Variants in WAPL observed in about 807,000 individuals in gnomAD.
The protein encoded by WAPL is WAPL cohesin release factor, also known as wings apart-like protein homolog.
Under a neutral mutation model 121.0 loss-of-function variants are expected in WAPL, and 5 were observed. The ratio of observed to expected loss-of-function variants is 0.04; its 90% confidence interval spans 0.02 to 0.09. The LOEUF (loss-of-function observed/expected upper bound fraction) is 0.09, where lower values mean the gene tolerates loss of function less well. WAPL is among the 10% of genes least tolerant of loss of function. The probability of loss-of-function intolerance (pLI) is 1.00; values close to 1 mark genes in which losing one functional copy is unlikely to be tolerated. For synonymous variants in WAPL, 480 were observed against 481.5 expected, an observed-to-expected ratio of 1.00 and a Z score of 0.04; for missense variants, 999 against 1,410.8, an observed-to-expected ratio of 0.71 and a Z score of 4.68.
rs1376423058 is a variant in WAPL at position 86,473,986 on chromosome 10, G to A, written c.1645-13C>T. The A allele has an allele frequency of 6.2e-7, 1 of 1,602,268 alleles. No homozygotes were observed. The highest frequency in any genetic ancestry group is 1.7e-5 in the Admixed American group (1 of 59,776). ...CTTTTGTGGGTGACTAGAGAAATGA[G>A]AGAAAGATCAACTGCTTCCATCCTT... On this transcript the variant is annotated splice_polypyrimidine_tract_variant and intron_variant, in intron 4 of 18. Transcript: ENST00000298767.
chr10:86,459,877 G>C (rs1005675938), intron 11 of WAPL, among the ~76,000 whole-genome samples: 10 of 152,234 alleles, frequency 6.6e-5, no homozygotes, highest in Admixed American at 6.5e-4. Flanking sequence ...ACTTTGGGAG[G>C]CTGAAGCCGG....
intron 4 of WAPL, among the ~76,000 whole-genome samples, chr10:86,484,481 G>A (rs1841882331): frequency 6.6e-6 from 1 of 152,068 alleles, no homozygotes; most frequent in Admixed American, 6.6e-5. Flanking sequence ...GGTGACAGAG[G>A]GAGATTGTCT....
chr10:86,507,064 A>T (rs1003308074), intron 2 of WAPL, among the ~76,000 whole-genome samples: 20 of 127,542 alleles, frequency 1.6e-4, no homozygotes, highest in South Asian at 4.7e-4. Context: ...GGAAAGATTT[A>T]AAAAAAAAAA....
At chr10:86,469,491 C>T (rs1337210802) in intron 8 of WAPL, among the ~76,000 whole-genome samples, 3 of 151,822 alleles carry the variant, frequency 2.0e-5, no homozygotes, top group African/African-American at 4.8e-5. Context: ...TAAACTCAGG[C>T]AATCTGCCCA....
intron 4 of WAPL, among the ~76,000 whole-genome samples, chr10:86,487,105 G>A (rs1037997657): frequency 2.0e-5 from 3 of 152,036 alleles, no homozygotes; most frequent in African/African-American, 7.2e-5. Context: ...AACCCCGCAA[G>A]CACTGAAAAC....
chr10:86,462,863 T>C lies in WAPL; in HGVS notation c.2371-1576A>G, dbSNP rs559013707. 2.6e-4 allele frequency among the ~76,000 whole-genome samples: 39 copies of C among 152,306 alleles called. No homozygotes were observed. In the South Asian group the frequency reaches 8.1e-3, roughly 32 times the overall value. ...ATTTAGACTGGTTCGTGTGTGTTAA[T>C]TCATGAGTCATACAGGCAAAGCTGA... On this transcript the variant is annotated intron_variant, in intron 9 of 18. Transcript: ENST00000298767.
chr10:86,452,300 AAAAG>A (rs958756949), intron 14 of WAPL, among the ~76,000 whole-genome samples, 169 bp from the exon 15 acceptor site: 3 of 152,138 alleles, frequency 2.0e-5, no homozygotes, highest in Admixed American at 6.5e-5. Flanking sequence ...AGAAAAAAAA[AAAAG>A]AAAAAAGGCC....
At chr10:86,489,040 C>G (rs1039661094) in intron 4 of WAPL, among the ~76,000 whole-genome samples, 1 of 152,198 alleles carries the variant, frequency 6.6e-6, no homozygotes, top group Non-Finnish European at 1.5e-5. Context: ...AATGGCATCT[C>G]CTCTGTATTG....
intron 15 of WAPL, among the ~76,000 whole-genome samples, chr10:86,450,407 TTTA>T (rs1207539509): frequency 6.6e-6 from 1 of 152,120 alleles, no homozygotes; most frequent in Non-Finnish European, 1.5e-5. Flanking sequence ...AACCAACTGT[TTTA>T]TTTTTTGTAC....
intron 2 of WAPL, among the ~76,000 whole-genome samples, chr10:86,501,069 T>C (rs7900240): frequency 0.087 from 13,183 of 152,242 alleles, 1,007 homozygotes; most frequent in East Asian, 0.38. Flanking sequence ...AGGGGTATTA[T>C]GGGCTTTTCA....
In WAPL at chr10:86,482,430, G is replaced by C. The variant is rs984246321; in HGVS notation, c.1645-8457C>G. 1.2e-4 allele frequency among the ~76,000 whole-genome samples: 18 copies of C among 152,330 alleles called. No homozygotes were observed. The East Asian group carries it at 3.5e-3, about 29-fold the overall frequency. ...GTATGTATGTAATATATGTATACGT[G>C]CATGTTTCCTATGCCCGTTTGCTAA... On this transcript the variant is annotated intron_variant, in intron 4 of 18. Coordinates refer to ENST00000298767, the MANE Select transcript of WAPL (RefSeq NM_015045.5).
At chr10:86,459,861 C>T (rs1424189422) in intron 11 of WAPL, among the ~76,000 whole-genome samples, 1 of 152,220 alleles carries the variant, frequency 6.6e-6, no homozygotes. Context: ...CGCCTGTAAT[C>T]CCAATACTTT....
At chr10:86,441,710 G>A (rs1849476180) in intron 17 of WAPL, among the ~76,000 whole-genome samples, 1 of 152,080 alleles carries the variant, frequency 6.6e-6, no homozygotes, top group East Asian at 1.9e-4. Context: ...GCAGTTTAAA[G>A]AGAGAAATGG....
At chr10:86,498,762 GAGCTAACCTA>G (rs1445235018) in intron 3 of WAPL, among the ~76,000 whole-genome samples, 1 of 152,148 alleles carries the variant, frequency 6.6e-6, no homozygotes, top group Non-Finnish European at 1.5e-5. Flanking sequence ...AATTATGGCA[GAGCTAACCTA>G]TTTCTTTTGT....
chr10:86,509,754 G>A (rs569573851), intron 2 of WAPL, among the ~76,000 whole-genome samples: 32 of 134,724 alleles, frequency 2.4e-4, no homozygotes, highest in African/African-American at 8.6e-4. Context: ...CATCTGGCTC[G>A]AAGCTCTTTG....
chr10:86,499,351 C>G (rs937508672), intron 3 of WAPL, among the ~76,000 whole-genome samples: 1 of 152,074 alleles, frequency 6.6e-6, no homozygotes, highest in African/African-American at 2.4e-5. Context: ...TGATTCAAGC[C>G]TGAAAAACAC....
At chr10:86,464,734 G>C (rs1396437324) in intron 9 of WAPL, among the ~76,000 whole-genome samples, 2 of 152,152 alleles carry the variant, frequency 1.3e-5, no homozygotes, top group Non-Finnish European at 2.9e-5. Flanking sequence ...TATTCAAGAG[G>C]CTGATGCATG....
At chr10:86,511,747 A>G (rs1312096641) in intron 2 of WAPL, among the ~76,000 whole-genome samples, 3 of 152,176 alleles carry the variant, frequency 2.0e-5, no homozygotes, top group Non-Finnish European at 4.4e-5. Context: ...CAGGCTGGGC[A>G]TACTGAGACA....
chr10:86,496,220 GA>G (rs1382045640), intron 4 of WAPL, among the ~76,000 whole-genome samples: 9 of 152,186 alleles, frequency 5.9e-5, no homozygotes, highest in African/African-American at 2.2e-4. Context: ...AATCATTAGT[GA>G]AGTGCAAATC....
Sources: allele counts gnomAD v4.1 joint callset (sites outside exome capture counted in the v4.1 genomes callset), GRCh38; gene constraint gnomAD v4.1.1; transcripts MANE v1.5; gene names NCBI Gene and HGNC (gene_info 2026-07-23, HGNC 2026-07-21).